Variants in NID2 observed in about 807,000 individuals in gnomAD.
NID2 encodes the protein nidogen-2.
In NID2, 83 loss-of-function variants were observed where a neutral mutation model predicts 145.4. That is an observed-to-expected ratio of 0.57 (90% CI 0.48 to 0.69). The LOEUF (loss-of-function observed/expected upper bound fraction) is 0.69. Ranked by LOEUF, NID2 falls within the 30% of genes least tolerant of loss-of-function variation. The pLI is 0.00. For synonymous variants in NID2, 739 were observed against 701.3 expected, an observed-to-expected ratio of 1.05 and a Z score of -0.85; for missense variants, 1,807 against 1,765.7, an observed-to-expected ratio of 1.02 and a Z score of -0.42.
rs1893277023 is a variant in NID2, at chr14:52,067,871, A to T, written c.521T>A (p.Leu174Gln). 1 of 1,611,964 alleles carries T rather than the reference A, an allele frequency of 6.2e-7. No individual in the cohort carries two copies. The highest frequency in any genetic ancestry group is 8.5e-7 in the Non-Finnish European group (1 of 1,179,950). The change falls in exon 2 of 22, where the codon CTG (leucine) becomes CAG (glutamine). Residue 174 changes from leucine to glutamine, a missense_variant. Transcript: ENST00000216286. ...GAYEEVKRGALPSGELNTFQA... is the reference protein window; with the variant it reads ...GAYEEVKRGAQPSGELNTFQA... ...CTGGTCACTTACCTCTCCCGAGGGCAGCGCCCCGCGCTTGACCTCCTCGTA... is the reference window on the plus strand; with the variant it reads ...CTGGTCACTTACCTCTCCCGAGGGCTGCGCCCCGCGCTTGACCTCCTCGTA...
rs1408591273 is a variant in NID2 at position 52,010,916 on chromosome 14, G to A, written c.3682C>T (p.Leu1228=). Residue 1228 remains leucine (L), a synonymous_variant, in exon 18 of 22, where the codon CTG becomes TTG. Transcript: ENST00000216286. ...ACAGCGATGGCACGGGGATTCACCA[G>A]ATCTGTGTAGAAGAGGACCTTGCGC... The part of the protein sequence containing the change: ...SERKVLFYTD[L]VNPRAIAVDP... 4 of 1,613,760 alleles carry A rather than the reference G, an allele frequency of 2.5e-6. No individual in the cohort carries two copies. Among genetic ancestry groups the A allele is most frequent in the Non-Finnish European group, 2.5e-6 (3 of 1,180,050 alleles).
chr14:52,043,830 G>A (rs1488659003), intron 5 of NID2, among the ~76,000 whole-genome samples: 2 of 152,154 alleles, frequency 1.3e-5, no homozygotes, highest in African/African-American at 4.8e-5. Flanking sequence ...CTTTCTCCGG[G>A]GCACTAGGAA....
chr14:52,055,514 G>A (rs1892816248), intron 3 of NID2, among the ~76,000 whole-genome samples: 1 of 152,116 alleles, frequency 6.6e-6, no homozygotes, highest in Non-Finnish European at 1.5e-5. Context: ...AAAGACTTCT[G>A]GAAACAGCTC....
At chr14:52,051,136 G>C (rs184292684) in intron 5 of NID2, among the ~76,000 whole-genome samples, 151 of 152,270 alleles carry the variant, frequency 9.9e-4, no homozygotes, top group African/African-American at 3.5e-3. Flanking sequence ...GATATGATCT[G>C]AAAATCTAAA....
At chr14:52,017,932 C>T (rs1419669999) in intron 14 of NID2, among the ~76,000 whole-genome samples, 1 of 152,150 alleles carries the variant, frequency 6.6e-6, no homozygotes. Context: ...GATTCTCCTG[C>T]CTCAGCCTCC....
At chr14:52,068,641 C>T in intron 1 of NID2, 126 bp downstream of exon 1, 2 of 810,606 alleles carry the variant, frequency 2.5e-6, no homozygotes, top group East Asian at 5.3e-5. Flanking sequence ...GGCCGGGTAC[C>T]ACCGCAAGGG....
At chr14:52,065,648 TC>T (rs1247050278) in intron 2 of NID2, among the ~76,000 whole-genome samples, 3 of 81,906 alleles carry the variant, frequency 3.7e-5, no homozygotes, top group African/African-American at 5.5e-5. Context: ...ATGCTATCCC[TC>T]CCCCCTCCCC....
Position 52,038,845 on chromosome 14 carries a change from G to C in NID2, c.2159C>G (p.Thr720Ser). 1 of 1,614,132 alleles carries C rather than the reference G, an allele frequency of 6.2e-7. No individual in the cohort carries two copies. Among genetic ancestry groups the C allele is most frequent in the Non-Finnish European group, 8.5e-7 (1 of 1,180,016 alleles). ...CCGGTCCACGTTCAGCTGCTGGGTG[G>C]TGGGGAAGGACGGGTGTCTGGGGGC... is the stretch of plus-strand genomic sequence containing the variant. Reference protein sequence around the residue: ...RHAPRHPSFPTTQQLNVDRVF... With the variant: ...RHAPRHPSFPSTQQLNVDRVF... Residue 720 changes from threonine (T) to serine (S), a missense_variant, in exon 9 of 22, where the codon ACC (threonine) becomes AGC (serine). Transcript: ENST00000216286.
chr14:52,039,751 C>T (rs768885335), intron 8 of NID2, among the ~76,000 whole-genome samples: 1 of 152,338 alleles, frequency 6.6e-6, no homozygotes, highest in East Asian at 1.9e-4. Context: ...GAACACATCA[C>T]GCTTCGCACA....
rs576898863 is a variant in NID2, at chr14:52,027,220, G to A, written c.2655C>T (p.Gly885=). ...ACTCACCAGTGCACTGGTGCCCATC[G>A]CCGGCATAACCAGGCAGGCAGGCAC... ...FSCACLPGYA[G]DGHQCTDVDE... Residue 885 remains glycine, a synonymous_variant, in exon 12 of 22, where the codon GGC becomes GGT. Coordinates refer to ENST00000216286, the MANE Select transcript of NID2 (RefSeq NM_007361.4). 60 of 1,560,364 alleles carry A rather than the reference G, an allele frequency of 3.8e-5. No individual in the cohort carries two copies. The highest frequency in any genetic ancestry group is 3.7e-4 in the South Asian group (31 of 83,828).
rs778163727 is a variant in NID2, at chr14:52,038,889, A to C, written c.2115T>G (p.Thr705=). Residue 705 remains threonine, a synonymous_variant, in exon 9 of 22, where the codon ACT becomes ACG. Coordinates refer to ENST00000216286, the MANE Select transcript of NID2 (RefSeq NM_007361.4). ...TGGGGGCGTGCCTGCACACCTGGTAAGTGATGTTCTGGTGGATGCGGTAGG... is the reference window on the plus strand; with the variant it reads ...TGGGGGCGTGCCTGCACACCTGGTACGTGATGTTCTGGTGGATGCGGTAGG... The part of the protein sequence containing the change: ...TWSYRIHQNI[T]YQVCRHAPRH... 4 of 1,614,152 alleles carry C rather than the reference A, an allele frequency of 2.5e-6. No homozygotes were observed. The highest frequency in any genetic ancestry group is 3.4e-6 in the Non-Finnish European group (4 of 1,180,018).
At chr14:52,014,488 G>A (rs1891145516) in intron 15 of NID2, 32 bp from the exon 16 acceptor site, 1 of 1,578,344 alleles carries the variant, frequency 6.3e-7, no homozygotes, top group Non-Finnish European at 8.6e-7. Flanking sequence ...AGCAGGAAGG[G>A]GAACAAGGGC....
At chr14:52,066,527 C>T (rs1893222702) in intron 2 of NID2, among the ~76,000 whole-genome samples, 1 of 152,072 alleles carries the variant, frequency 6.6e-6, no homozygotes, top group South Asian at 2.1e-4. Context: ...GTGATTATTA[C>T]GTATTGCATG....
chr14:52,042,148 A>G lies in NID2; in HGVS notation c.1782T>C (p.Phe594=), dbSNP rs1359394931. The part of the protein sequence containing the change: ...TPIGGLFGWL[F]ALEKPGSENG... ...TCTCAGAGCCAGGTTTTTCTAAAGCAAAGAGCCAGCCAAACAGGCCTCCAA... is the reference window on the plus strand; with the variant it reads ...TCTCAGAGCCAGGTTTTTCTAAAGCGAAGAGCCAGCCAAACAGGCCTCCAA... Residue 594 remains phenylalanine (F), a synonymous_variant, in exon 7 of 22, where the codon TTT becomes TTC. Coordinates refer to ENST00000216286, the MANE Select transcript of NID2 (RefSeq NM_007361.4). 19 of 1,611,138 alleles carry G rather than the reference A, an allele frequency of 1.2e-5. No individual in the cohort carries two copies. Among genetic ancestry groups the G allele is most frequent in the African/African-American group, 2.7e-5 (2 of 74,976 alleles).
intron 12 of NID2, among the ~76,000 whole-genome samples, chr14:52,020,932 T>C (rs896263003): frequency 1.1e-4 from 17 of 152,158 alleles, no homozygotes; most frequent in African/African-American, 4.1e-4. Context: ...ATCCTGACAC[T>C]TCAAACAAAA....
chr14:52,030,590 G>GGAAGGT (rs764389447), intron 9 of NID2, among the ~76,000 whole-genome samples: 3 of 30,864 alleles, frequency 9.7e-5, no homozygotes, highest in Admixed American at 9.2e-4. Flanking sequence ...AAGAAAGAAA[G>GGAAGGT]AAAGAAAGAA....
chr14:52,020,546 A>G (rs575909978), intron 12 of NID2, among the ~76,000 whole-genome samples: 1 of 152,368 alleles, frequency 6.6e-6, no homozygotes, highest in Admixed American at 6.5e-5. Flanking sequence ...CCTTTCAGCA[A>G]TGCTGCAATA....
At chr14:52,055,945 G>GTGTGTTTGTT in intron 3 of NID2, among the ~76,000 whole-genome samples, 1 of 151,914 alleles carries the variant, frequency 6.6e-6, no homozygotes, top group African/African-American at 2.4e-5. Flanking sequence ...GTGTGTTTGT[G>GTGTGTTTGTT]TGTGTGTGTG....
chr14:52,054,437 C>A lies in NID2; in HGVS notation c.768-116G>T, dbSNP rs543215791. The A allele has an allele frequency of 1.2e-5, 13 of 1,059,066 alleles. No individual in the cohort carries two copies. In the African/African-American group the frequency reaches 1.8e-4, roughly 14 times the overall value. 65.6% of individuals were successfully genotyped at this position (1,059,066 alleles called of 1,614,324 possible). ...GGAAAGACAGCTGGGCATGGTGGCT[C>A]ACACTTATAATCCCAGCACTTTGCA... On this transcript the variant is annotated intron_variant, in intron 3 of 21. Coordinates refer to ENST00000216286, the MANE Select transcript of NID2 (RefSeq NM_007361.4).
Sources: allele counts gnomAD v4.1 joint callset (sites outside exome capture counted in the v4.1 genomes callset), GRCh38; gene constraint gnomAD v4.1.1; transcripts MANE v1.5; gene names NCBI Gene and HGNC (gene_info 2026-07-23, HGNC 2026-07-21).